The following SYT1 variants were observed in gnomAD, a reference collection of about 807,000 sequenced individuals.
The protein encoded by SYT1 is synaptotagmin 1.
A neutral mutation model predicts 44.8 loss-of-function variants in SYT1; 8 were observed. The ratio of observed to expected loss-of-function variants is 0.18; its 90% confidence interval spans 0.10 to 0.32. The LOEUF (loss-of-function observed/expected upper bound fraction) is 0.32. Among genes scored for constraint, SYT1 ranks in the 10% least tolerant of loss-of-function variants. The pLI, the probability that SYT1 is intolerant of heterozygous loss-of-function variation, is 1.00. For missense variants in SYT1, 286 were observed against 509.3 expected (o/e 0.56, Z 4.22); for synonymous variants, 154 against 188.8 (o/e 0.82, Z 1.51).
At chr12:79,109,287 C>T (rs1592756002) in intron 3 of SYT1, among the ~76,000 whole-genome samples, 1 of 152,160 alleles carries the variant, frequency 6.6e-6, no homozygotes, top group South Asian at 2.1e-4. Context: ...TATCATATGC[C>T]GGATACTGTG....
intron 9 of SYT1, among the ~76,000 whole-genome samples, chr12:79,406,674 A>G (rs992824952): frequency 2.6e-5 from 4 of 152,164 alleles, no homozygotes; most frequent in African/African-American, 9.6e-5. Flanking sequence ...GCTTAGAGTC[A>G]GATTATCTGG....
chr12:78,949,600 A>G (rs1878855792), intron 1 of SYT1, among the ~76,000 whole-genome samples: 1 of 152,054 alleles, frequency 6.6e-6, no homozygotes, highest in African/African-American at 2.4e-5. Context: ...TTTCTGAGTC[A>G]TTGCTATAGA....
chr12:79,170,597 T>C (rs1397095136), intron 3 of SYT1, among the ~76,000 whole-genome samples: 2 of 152,148 alleles, frequency 1.3e-5, no homozygotes, highest in African/African-American at 4.8e-5. Context: ...TGCTGGATAT[T>C]AGACCTTTGT....
At chr12:79,213,604 A>G (rs1874597821) in intron 3 of SYT1, among the ~76,000 whole-genome samples, 1 of 152,166 alleles carries the variant, frequency 6.6e-6, no homozygotes, top group Admixed American at 6.5e-5. Context: ...TTTTCTGAAT[A>G]AGCAAACTAT....
At chr12:79,431,897 T>G (rs879301243) in intron 9 of SYT1, among the ~76,000 whole-genome samples, 6 of 152,176 alleles carry the variant, frequency 3.9e-5, no homozygotes, top group Non-Finnish European at 8.8e-5. Flanking sequence ...CTTCTAATAT[T>G]GTAAGAAAAC....
At position 79,155,822 on chromosome 12, in the gene SYT1, C is replaced by T. The variant is rs548823033; in HGVS notation, c.-17-61681C>T. Among the ~76,000 whole-genome samples, 4 of 152,272 alleles carry T rather than the reference C, an allele frequency of 2.6e-5. No homozygotes were observed. In the East Asian group the frequency reaches 7.8e-4, roughly 30 times the overall value. On this transcript the variant is annotated intron_variant, in intron 3 of 10. Transcript: ENST00000261205. ...AGGGAATTCTTCTGTTGCCTTCCGG[C>T]CTCTCTTGTGTATTTCCTCTTCACA... is the stretch of plus-strand genomic sequence containing the variant.
intron 1 of SYT1, among the ~76,000 whole-genome samples, chr12:78,866,084 C>T (rs1873529143): frequency 6.6e-6 from 1 of 152,086 alleles, no homozygotes; most frequent in Admixed American, 6.5e-5. Context: ...TTCTAGTTAG[C>T]TTTGTGTACA....
At chr12:79,207,879 A>G (rs926629209) in intron 3 of SYT1, among the ~76,000 whole-genome samples, 1 of 152,220 alleles carries the variant, frequency 6.6e-6, no homozygotes, top group Non-Finnish European at 1.5e-5. Flanking sequence ...AGAATCTAGC[A>G]AACTACATAA....
At chr12:79,008,643 T>C (rs972345540) in intron 2 of SYT1, among the ~76,000 whole-genome samples, 3 of 152,066 alleles carry the variant, frequency 2.0e-5, no homozygotes, top group African/African-American at 7.2e-5. Context: ...TAGGTTATGA[T>C]AATGTAGAGA....
chr12:79,034,654 G>A (rs1044497869), intron 2 of SYT1, among the ~76,000 whole-genome samples: 1 of 151,650 alleles, frequency 6.6e-6, no homozygotes, highest in Non-Finnish European at 1.5e-5. Flanking sequence ...TTATTAAATA[G>A]CAGCTGTAAT....
chr12:79,245,640 T>G (rs1876807961), intron 4 of SYT1, among the ~76,000 whole-genome samples: 1 of 152,062 alleles, frequency 6.6e-6, no homozygotes, highest in Non-Finnish European at 1.5e-5. Context: ...TGCAATTTTG[T>G]TAATTCTGAG....
intron 4 of SYT1, among the ~76,000 whole-genome samples, chr12:79,280,916 A>G (rs1165983448): frequency 6.6e-6 from 1 of 151,984 alleles, no homozygotes; most frequent in Non-Finnish European, 1.5e-5. Flanking sequence ...ATCACTAATC[A>G]TCAGAGAAAT....
chr12:79,425,121 G>A (rs893998176), intron 9 of SYT1, among the ~76,000 whole-genome samples: 39 of 151,876 alleles, frequency 2.6e-4, no homozygotes, highest in African/African-American at 7.5e-4. Context: ...TATGAAGGTC[G>A]TGTATTATGG....
At chr12:79,445,883 A>T (rs1179994043) in intron 10 of SYT1, among the ~76,000 whole-genome samples, 1 of 145,366 alleles carries the variant, frequency 6.9e-6, no homozygotes, top group Non-Finnish European at 1.5e-5. Context: ...TATATATATA[A>T]AATATATATT....
chr12:79,298,496 C>T (rs946939784), intron 7 of SYT1, among the ~76,000 whole-genome samples: 53 of 152,082 alleles, frequency 3.5e-4, no homozygotes, highest in African/African-American at 1.2e-3. Flanking sequence ...ACCATTTACA[C>T]TGATAAAATA....
intron 1 of SYT1, among the ~76,000 whole-genome samples, chr12:78,924,211 T>A (rs142606587): frequency 8.4e-4 from 127 of 152,056 alleles, no homozygotes; most frequent in Non-Finnish European, 1.5e-3. Flanking sequence ...CCCATTATGG[T>A]GATGTTAACT....
At chr12:79,076,260 GAGGCAC>G (rs1565794755) in intron 3 of SYT1, among the ~76,000 whole-genome samples, 1 of 151,984 alleles carries the variant, frequency 6.6e-6, no homozygotes. Context: ...TGGGTATAGC[GAGGCAC>G]CTCTAGAATG....
At chr12:79,427,377 C>T (rs1869512058) in intron 9 of SYT1, among the ~76,000 whole-genome samples, 1 of 152,162 alleles carries the variant, frequency 6.6e-6, no homozygotes, top group East Asian at 1.9e-4. Flanking sequence ...AGGTTTAGCG[C>T]CCTCACTCCA....
intron 9 of SYT1, among the ~76,000 whole-genome samples, chr12:79,372,942 A>G (rs2136053064): frequency 6.6e-6 from 1 of 152,306 alleles, no homozygotes; most frequent in African/African-American, 2.4e-5. Flanking sequence ...TTTGGGTCCT[A>G]ACTTCTCAAA....
Sources: gnomAD v4.1 joint callset for allele counts (sites outside exome capture counted in the v4.1 genomes callset) on GRCh38, gnomAD v4.1.1 for gene constraint, MANE v1.5 for transcripts, NCBI Gene and HGNC (gene_info 2026-07-23, HGNC 2026-07-21) for gene names.